The following PLXNA2 variants were observed in gnomAD, a reference collection of about 807,000 sequenced individuals.
PLXNA2 encodes the protein plexin A2, also known as plexin-A2.
In PLXNA2, 91 loss-of-function variants were observed where a neutral mutation model predicts 193.5. The ratio of observed to expected loss-of-function variants is 0.47; its 90% confidence interval spans 0.40 to 0.56. The LOEUF (loss-of-function observed/expected upper bound fraction) is 0.56, where lower values mean the gene tolerates loss of function less well. PLXNA2 is among the 20% of genes least tolerant of loss of function. The pLI is 0.00. For synonymous variants in PLXNA2, 997 were observed against 1,027.3 expected, an observed-to-expected ratio of 0.97 and a Z score of 0.56; for missense variants, 1,995 against 2,503.2, an observed-to-expected ratio of 0.80 and a Z score of 4.33.
chr1:208,153,967 CA>C (rs1256999266), intron 3 of PLXNA2, among the ~76,000 whole-genome samples: 8 of 150,946 alleles, frequency 5.3e-5, no homozygotes, highest in African/African-American at 2.0e-4. Context: ...TTCATGAAAA[CA>C]GGCCCCTAAT....
In PLXNA2 at chr1:208,051,054, C is replaced by T. The variant is rs1665242514; in HGVS notation, c.3210G>A (p.Gln1070=). The T allele has an allele frequency of 1.2e-6, 2 of 1,614,168 alleles. No homozygotes were observed. Among genetic ancestry groups the T allele is most frequent in the Middle Eastern group, 1.6e-4 (1 of 6,062 alleles). ...TITGFNLDVI[Q]EPRIRVKFNG... ...TGAATTTGACTCGGATCCTTGGCTCCTGAATGACATCCAGGTTGAAGCCTG... is the reference window on the plus strand; with the variant it reads ...TGAATTTGACTCGGATCCTTGGCTCTTGAATGACATCCAGGTTGAAGCCTG... The change falls in exon 17 of 32, where the codon CAG becomes CAA. Residue 1070 remains glutamine (Q), a synonymous_variant. Coordinates refer to ENST00000367033, the MANE Select transcript of PLXNA2 (RefSeq NM_025179.4).
intron 29 of PLXNA2, chr1:208,030,772 C>T: frequency 1.0e-6 from 1 of 985,208 alleles, no homozygotes; most frequent in Non-Finnish European, 1.2e-6. Flanking sequence ...CCTGGACCTC[C>T]CCTCTCCCCT....
At chr1:208,127,816 A>T (rs71515128) in intron 4 of PLXNA2, among the ~76,000 whole-genome samples, 1 of 151,674 alleles carries the variant, frequency 6.6e-6, no homozygotes, top group Non-Finnish European at 1.5e-5. Context: ...AAACGGGGTG[A>T]GAAGAAGAGG....
At chr1:208,118,093 C>T (rs1207935414) in intron 4 of PLXNA2, among the ~76,000 whole-genome samples, 2 of 152,194 alleles carry the variant, frequency 1.3e-5, no homozygotes, top group Non-Finnish European at 2.9e-5. Context: ...GTGGGTTGGG[C>T]ACGATGATGT....
Position 208,051,251 on chromosome 1 carries a change from C to T in PLXNA2, c.3161+5G>A. On this transcript the variant is annotated splice_donor_5th_base_variant and intron_variant, in intron 16 of 31. Coordinates refer to ENST00000367033, the MANE Select transcript of PLXNA2 (RefSeq NM_025179.4). ...CAGGTGCATCCCTCCCACCTTCCAC[C>T]TCACCTGGCAATGCTCCACTCTGGC... The T allele has an allele frequency of 6.2e-7, 1 of 1,603,230 alleles. No homozygotes were observed. Among genetic ancestry groups the T allele is most frequent in the Non-Finnish European group, 8.5e-7 (1 of 1,172,922 alleles).
intron 1 of PLXNA2, among the ~76,000 whole-genome samples, chr1:208,219,264 G>A (rs1009090615): frequency 5.9e-5 from 9 of 152,194 alleles, no homozygotes; most frequent in Non-Finnish European, 2.9e-5. Flanking sequence ...GGGCAGTCTG[G>A]GCCAGGGGCA....
At chr1:208,039,830 T>C (rs886719931) in intron 23 of PLXNA2, 63 bp from the exon 24 acceptor site, 26 of 1,610,470 alleles carry the variant, frequency 1.6e-5, no homozygotes, top group Non-Finnish European at 2.0e-5. Context: ...CGTTTTCCCT[T>C]TCCTCTCTCG....
chr1:208,047,374 T>G (rs1271216741), intron 17 of PLXNA2, among the ~76,000 whole-genome samples: 1 of 90,666 alleles, frequency 1.1e-5, no homozygotes, highest in Non-Finnish European at 2.4e-5. Flanking sequence ...CTTTTTTCTC[T>G]TGGAGGTCTC....
chr1:208,192,844 A>G (rs1971858), intron 3 of PLXNA2, among the ~76,000 whole-genome samples: 98,572 of 150,356 alleles, frequency 0.66, 33,023 homozygotes, highest in East Asian at 0.87. Flanking sequence ...CCGAGATTGC[A>G]CCATTGCATT....
intron 4 of PLXNA2, among the ~76,000 whole-genome samples, chr1:208,136,550 C>A (rs1224044880): frequency 6.6e-6 from 1 of 152,254 alleles, no homozygotes; most frequent in African/African-American, 2.4e-5. Flanking sequence ...CTTCTCTCCA[C>A]AGATGCCTGC....
intron 3 of PLXNA2, among the ~76,000 whole-genome samples, chr1:208,205,655 T>C (rs1286764055): frequency 1.4e-4 from 21 of 152,232 alleles, no homozygotes; most frequent in Non-Finnish European, 2.9e-5. Flanking sequence ...TGAGATTTGA[T>C]GCAGGAATCC....
At chr1:208,194,634 C>T (rs901251209) in intron 3 of PLXNA2, among the ~76,000 whole-genome samples, 1 of 152,130 alleles carries the variant, frequency 6.6e-6, no homozygotes, top group Non-Finnish European at 1.5e-5. Flanking sequence ...AACACCATTA[C>T]CTCCATCCTA....
At chr1:208,159,649 C>T (rs891833430) in intron 3 of PLXNA2, among the ~76,000 whole-genome samples, 3 of 152,350 alleles carry the variant, frequency 2.0e-5, no homozygotes, top group Admixed American at 6.5e-5. Context: ...GCTACCGTGA[C>T]GCCCACTTGC....
rs571861691 is a variant in PLXNA2 at position 208,193,928 on chromosome 1, G to A, written c.1371+16352C>T. Among the ~76,000 whole-genome samples, 177 of 151,856 alleles carry A rather than the reference G, an allele frequency of 1.2e-3. 6 individuals carry two copies. In the South Asian group the frequency reaches 0.035, roughly 30 times the overall value. Reference sequence around the variant, plus strand: ...ACTTTTTAAATGTAAAATAAATAACGAAAAATTTTATTAAAAAAATTTTTT... The same window carrying A: ...ACTTTTTAAATGTAAAATAAATAACAAAAAATTTTATTAAAAAAATTTTTT... On this transcript the variant is annotated intron_variant, in intron 3 of 31. Coordinates refer to ENST00000367033, the MANE Select transcript of PLXNA2 (RefSeq NM_025179.4).
chr1:208,217,010 C>T lies in PLXNA2; in HGVS notation c.913G>A (p.Val305Met). 6 of 1,611,696 alleles carry T rather than the reference C, an allele frequency of 3.7e-6. No individual in the cohort carries two copies. Among genetic ancestry groups the T allele is most frequent in the Non-Finnish European group, 8.5e-7 (1 of 1,178,426 alleles). ...GCAGCCTGCAGGAGGCGGTATTCCACCCCGGCCCGGGTGCAGCCGAAGGGC... is the reference window on the plus strand; with the variant it reads ...GCAGCCTGCAGGAGGCGGTATTCCATCCCGGCCCGGGTGCAGCCGAAGGGC... ...SLPFGCTRAG[V>M]EYRLLQAAYL... Residue 305 changes from valine (V) to methionine (M), a missense_variant, in exon 2 of 32, where the codon GTG becomes ATG. Val to Met is a conservative substitution (Grantham distance 21, BLOSUM62 1). This residue lies in a region of PLXNA2 where 702 missense variants were observed against 812.9 expected (regional missense o/e 0.86). Transcript: ENST00000367033. The surrounding 1 kb of genome is among the most constrained non-coding windows in gnomAD (Gnocchi z 4.7).
At chr1:208,201,484 T>C (rs949834499) in intron 3 of PLXNA2, among the ~76,000 whole-genome samples, 1 of 152,146 alleles carries the variant, frequency 6.6e-6, no homozygotes, top group African/African-American at 2.4e-5. Context: ...AGTATTTTTT[T>C]CCCATGACTC....
chr1:208,071,983 G>A (rs375352121), intron 12 of PLXNA2, among the ~76,000 whole-genome samples: 2 of 152,152 alleles, frequency 1.3e-5, no homozygotes, highest in African/African-American at 2.4e-5. Flanking sequence ...ATTTGCATCT[G>A]AGAGAATCTA....
At chr1:208,073,091 G>T (rs1467205092) in intron 12 of PLXNA2, among the ~76,000 whole-genome samples, 1 of 152,210 alleles carries the variant, frequency 6.6e-6, no homozygotes, top group Non-Finnish European at 1.5e-5. Context: ...CTTAAGTGAA[G>T]ATAATAATAG....
intron 3 of PLXNA2, among the ~76,000 whole-genome samples, chr1:208,152,882 C>T (rs1668815934): frequency 6.6e-6 from 1 of 151,498 alleles, no homozygotes; most frequent in South Asian, 2.1e-4. Context: ...TAGATCCTAA[C>T]CATCCTTCAA....
Sources: allele counts gnomAD v4.1 joint callset (sites outside exome capture counted in the v4.1 genomes callset), GRCh38; gene constraint gnomAD v4.1.1; regional missense constraint gnomAD v4.1.1; non-coding constraint Gnocchi (gnomAD v3.1); transcripts MANE v1.5; gene names NCBI Gene and HGNC (gene_info 2026-07-23, HGNC 2026-07-21).